Variants in PSME4 observed in about 807,000 individuals in gnomAD.
The protein encoded by PSME4 is proteasome activator complex subunit 4.
In PSME4, 89 loss-of-function variants were observed where a neutral mutation model predicts 253.9. That is an observed-to-expected ratio of 0.35 (90% confidence interval 0.30 to 0.42). The LOEUF is 0.42. PSME4 is among the 10% of genes least tolerant of loss of function. The pLI is 1.00. For missense variants in PSME4, 2,014 were observed against 2,195.2 expected, an observed-to-expected ratio of 0.92 and a Z score of 1.65; for synonymous variants, 851 against 759.2, an observed-to-expected ratio of 1.12 and a Z score of -1.99.
chr2:53,874,610 G>T (rs1679037589), intron 42 of PSME4, 116 bp from the exon 43 acceptor site: 2 of 1,041,012 alleles, frequency 1.9e-6, no homozygotes, highest in South Asian at 1.5e-5. Flanking sequence ...ATTTACACAG[G>T]TATAGTTAGG....
At chr2:53,907,178 A>G (rs1035821096) in intron 24 of PSME4, among the ~76,000 whole-genome samples, 6 of 152,208 alleles carry the variant, frequency 3.9e-5, no homozygotes, top group Admixed American at 6.5e-5. Flanking sequence ...TACTGAAAGT[A>G]CAAAAACAGC....
intron 41 of PSME4, among the ~76,000 whole-genome samples, chr2:53,878,646 G>C (rs1679242856): frequency 6.6e-6 from 1 of 152,230 alleles, no homozygotes; most frequent in Non-Finnish European, 1.5e-5. Context: ...GGGGACGGCT[G>C]TCTTTTACAG....
At chr2:53,941,613 A>G (rs1158231510) in intron 3 of PSME4, among the ~76,000 whole-genome samples, 1 of 152,110 alleles carries the variant, frequency 6.6e-6, no homozygotes, top group Non-Finnish European at 1.5e-5. Context: ...AGAGTAACAA[A>G]AAGCACAGAT....
chr2:53,866,288 C>T (rs1288046430), intron 45 of PSME4, 65 bp from the exon 46 acceptor site: 12 of 1,539,470 alleles, frequency 7.8e-6, no homozygotes, highest in African/African-American at 1.4e-5. Flanking sequence ...ATGTAGGATA[C>T]TTTTAGTTAA....
In PSME4 at chr2:53,894,989, G is replaced by A. The variant is rs748992389; in HGVS notation, c.3912+18C>T. The stretch of plus-strand genomic sequence containing the variant: ...CAAAACAAGATGCATTTGAACCATG[G>A]TGAAATGGAATGCTTACCTCTGTCA... On this transcript the variant is annotated intron_variant, in intron 34 of 46. Transcript: ENST00000404125. 6.3e-7 allele frequency: 1 copy of A among 1,599,374 alleles called. No individual in the cohort carries two copies. The highest frequency in any genetic ancestry group is 1.3e-5 in the African/African-American group (1 of 74,156).
intron 5 of PSME4, 90 bp downstream of exon 5, chr2:53,937,301 T>C (rs1343707955): frequency 7.3e-6 from 9 of 1,234,618 alleles, no homozygotes; most frequent in Admixed American, 2.8e-5. Context: ...ACTTGCAAAA[T>C]GATTTTTCTA....
chr2:53,918,633 T>A (rs1218053028), intron 20 of PSME4, among the ~76,000 whole-genome samples: 1 of 152,166 alleles, frequency 6.6e-6, no homozygotes, highest in Non-Finnish European at 1.5e-5. Flanking sequence ...TTATTCTAAC[T>A]TAATTTTTTT....
intron 20 of PSME4, among the ~76,000 whole-genome samples, chr2:53,915,807 A>G (rs1668034159): frequency 6.6e-6 from 1 of 152,124 alleles, no homozygotes; most frequent in Non-Finnish European, 1.5e-5. Context: ...GTGGTGGCTC[A>G]TGCCTATAAT....
chr2:53,965,951 C>T (rs1355355652), intron 1 of PSME4, among the ~76,000 whole-genome samples: 10 of 152,244 alleles, frequency 6.6e-5, no homozygotes, highest in East Asian at 5.8e-4. Context: ...GGATTACAGG[C>T]GTGAGCCGCC....
chr2:53,917,876 T>A (rs184061232), intron 20 of PSME4, among the ~76,000 whole-genome samples: 2 of 152,178 alleles, frequency 1.3e-5, no homozygotes, highest in African/African-American at 4.8e-5. Context: ...TGCGCTTATA[T>A]CAAACAACAA....
rs530147909 is a variant in PSME4, at chr2:53,904,943, G to A, written c.2944-787C>T. Among the ~76,000 whole-genome samples the A allele has an allele frequency of 5.2e-4, 79 of 151,614 alleles. 1 individual carries two copies. The highest frequency in any genetic ancestry group is 3.4e-3 in the Middle Eastern group (1 of 294). On this transcript the variant is annotated intron_variant, in intron 26 of 46. Transcript: ENST00000404125. Reference sequence around the variant, plus strand: ...GCGGAGGTTGCAGTGAACCAAGATCGTGCCACTGCACTCCAGCCTGGGTGA... The same window carrying A: ...GCGGAGGTTGCAGTGAACCAAGATCATGCCACTGCACTCCAGCCTGGGTGA...
intron 3 of PSME4, 30 bp downstream of exon 3, chr2:53,948,391 C>G (rs773581451): frequency 6.9e-7 from 1 of 1,457,262 alleles, no homozygotes; most frequent in Admixed American, 1.7e-5. Context: ...CAAGTACTCC[C>G]AAATAAGTGC....
chr2:53,939,830 G>A (rs1408425229), intron 4 of PSME4, 126 bp downstream of exon 4: 6 of 719,394 alleles, frequency 8.3e-6, no homozygotes, highest in Admixed American at 5.4e-5. Flanking sequence ...GGTATGTTGT[G>A]CTCAGTGACT....
At chr2:53,897,784 GTGT>G in intron 31 of PSME4, 83 bp downstream of exon 31, 1 of 1,395,256 alleles carries the variant, frequency 7.2e-7, no homozygotes, top group South Asian at 1.2e-5. Flanking sequence ...TATTAACCAA[GTGT>G]GTATTGCTTG....
At chr2:53,931,037 G>C (rs1249338103) in intron 10 of PSME4, among the ~76,000 whole-genome samples, 1 of 152,210 alleles carries the variant, frequency 6.6e-6, no homozygotes, top group Non-Finnish European at 1.5e-5. Flanking sequence ...CAGCACTTTG[G>C]GAGGCCAAGG....
At chr2:53,939,670 G>A (rs898934460) in intron 4 of PSME4, among the ~76,000 whole-genome samples, 2 of 152,132 alleles carry the variant, frequency 1.3e-5, no homozygotes, top group Admixed American at 6.6e-5. Context: ...CCTATTTTTT[G>A]TCTGAATAAC....
intron 26 of PSME4, among the ~76,000 whole-genome samples, chr2:53,904,725 AC>A (rs1680568421): frequency 6.6e-6 from 1 of 152,128 alleles, no homozygotes; most frequent in African/African-American, 2.4e-5. Context: ...GCAGTGGCTC[AC>A]GTCTGTAATC....
At chr2:53,907,417 C>A (rs1286101669) in intron 24 of PSME4, among the ~76,000 whole-genome samples, 5 of 152,160 alleles carry the variant, frequency 3.3e-5, no homozygotes, top group Non-Finnish European at 7.4e-5. Flanking sequence ...CCCAATTCTA[C>A]CATTTTCAAA....
At position 53,931,929 on chromosome 2, in the gene PSME4, T is replaced by C. The variant is rs1246082549; in HGVS notation, c.1222A>G (p.Met408Val). 1 of 1,614,076 alleles carries C rather than the reference T, an allele frequency of 6.2e-7. No individual in the cohort carries two copies. The highest frequency in any genetic ancestry group is 8.5e-7 in the Non-Finnish European group (1 of 1,179,956). The change falls in exon 10 of 47, where the codon ATG becomes GTG. Residue 408 changes from methionine (M) to valine (V), a missense_variant. Physicochemically the swap from Met to Val is conservative, Grantham distance 21 (BLOSUM62 1). Coordinates refer to ENST00000404125, the MANE Select transcript of PSME4 (RefSeq NM_014614.3). ...TCTAGACTACCGGTTTTGCTAAACA[T>C]AGCCAAGAGGACAGGCTGAATAATG... ...QCIIQPVLLA[M>V]FSKTGSLEAA...
Sources: gnomAD v4.1 joint callset for allele counts (sites outside exome capture counted in the v4.1 genomes callset) on GRCh38, gnomAD v4.1.1 for gene constraint, MANE v1.5 for transcripts, NCBI Gene and HGNC (gene_info 2026-07-23, HGNC 2026-07-21) for gene names.